Variants in ST8SIA5 observed in about 807,000 individuals in gnomAD.
ST8SIA5 encodes ST8 alpha-N-acetyl-neuraminide alpha-2,8-sialyltransferase 5.
Under a neutral mutation model 40.2 loss-of-function variants are expected in ST8SIA5, and 24 were observed. The observed-to-expected ratio is 0.60, with a 90% confidence interval of 0.43 to 0.84. The LOEUF is 0.84. Ranked by LOEUF, ST8SIA5 falls within the 40% of genes least tolerant of loss-of-function variation. The pLI is 0.00. For missense variants in ST8SIA5, 465 were observed against 498.5 expected (o/e 0.93, Z 0.64); for synonymous variants, 198 against 201.8 (o/e 0.98, Z 0.16).
chr18:46,745,236 A>G (rs2040127557), intron 1 of ST8SIA5, among the ~76,000 whole-genome samples: 2 of 152,238 alleles, frequency 1.3e-5, no homozygotes, highest in Non-Finnish European at 2.9e-5. Context: ...TGAAGGAGAT[A>G]GAGACACAAA....
In ST8SIA5 at chr18:46,681,782, C is replaced by T. The variant is rs548401366; in HGVS notation, c.662+190G>A. On this transcript the variant is annotated intron_variant, in intron 6 of 6. Transcript: ENST00000315087. ...TATTTCGAAAATACTATTACTTCAACGTGTAATTAATATAACAAGTTAATT... is the reference window on the plus strand; with the variant it reads ...TATTTCGAAAATACTATTACTTCAATGTGTAATTAATATAACAAGTTAATT... Among the ~76,000 whole-genome samples the T allele has an allele frequency of 7.9e-5, 12 of 152,268 alleles. No homozygotes were observed. The South Asian group carries it at 1.5e-3, about 18-fold the overall frequency.
At chr18:46,735,193 C>A (rs2040022189) in intron 1 of ST8SIA5, among the ~76,000 whole-genome samples, 1 of 152,266 alleles carries the variant, frequency 6.6e-6, no homozygotes, top group Admixed American at 6.5e-5. Flanking sequence ...CGGCCACAGA[C>A]TGAGGACTGC....
chr18:46,730,751 T>C (rs1243619114), intron 1 of ST8SIA5, among the ~76,000 whole-genome samples: 1 of 152,122 alleles, frequency 6.6e-6, no homozygotes, highest in Non-Finnish European at 1.5e-5. Flanking sequence ...CAATTAGTCA[T>C]GATCACACCA....
intron 2 of ST8SIA5, among the ~76,000 whole-genome samples, chr18:46,700,206 C>T (rs1427863879): frequency 1.3e-5 from 2 of 152,216 alleles, no homozygotes; most frequent in Admixed American, 6.5e-5. Context: ...GAGGCATTTT[C>T]CATGTGGGGA....
intron 1 of ST8SIA5, among the ~76,000 whole-genome samples, chr18:46,721,149 C>A (rs73953880): frequency 6.6e-6 from 1 of 152,162 alleles, no homozygotes; most frequent in East Asian, 1.9e-4. Flanking sequence ...AGTGAATCCC[C>A]GCTTGGTTGT....
At chr18:46,685,852 G>GTGTTC (rs1317121397) in intron 5 of ST8SIA5, 2 of 322,586 alleles carry the variant, frequency 6.2e-6, no homozygotes, top group African/African-American at 2.1e-5. Flanking sequence ...TGGAAGGGCA[G>GTGTTC]CACCCACCCA....
chr18:46,671,188 T>C lies in ST8SIA5; in HGVS notation c.*8854A>G, dbSNP rs1037022098. The C allele has an allele frequency of 6.6e-6, 1 of 152,192 alleles. No homozygotes were observed. The highest frequency in any genetic ancestry group is 2.1e-4 in the South Asian group (1 of 4,830). The allele number at this position is 152,192 out of a possible 1,614,324, so 9.4% of individuals were successfully genotyped here. Reference sequence around the variant, plus strand: ...TCTCCAGAGGCTCTTGTCAACTTTGTCGCTGAATGTGGAATTCTGAGCTCT... The same window carrying C: ...TCTCCAGAGGCTCTTGTCAACTTTGCCGCTGAATGTGGAATTCTGAGCTCT... On this transcript the variant is annotated 3_prime_UTR_variant, in exon 7 of 7. Transcript: ENST00000315087.
chr18:46,748,783 T>C (rs2040167838), intron 1 of ST8SIA5, among the ~76,000 whole-genome samples: 1 of 151,788 alleles, frequency 6.6e-6, no homozygotes, highest in African/African-American at 2.4e-5. Flanking sequence ...GGAACCCTCA[T>C]ACAATGCTGG....
At chr18:46,750,629 G>A (rs973644804) in intron 1 of ST8SIA5, among the ~76,000 whole-genome samples, 1 of 151,852 alleles carries the variant, frequency 6.6e-6, no homozygotes, top group African/African-American at 2.4e-5. Flanking sequence ...TATCCCACCC[G>A]AGCCCTCTTC....
chr18:46,717,315 G>A (rs1218001087), intron 1 of ST8SIA5, among the ~76,000 whole-genome samples: 1 of 152,100 alleles, frequency 6.6e-6, no homozygotes, highest in South Asian at 2.1e-4. Flanking sequence ...ACAGGAGCAC[G>A]TCATCTGCCT....
chr18:46,685,988 T>C, intron 5 of ST8SIA5, 186 bp downstream of exon 5: 1 of 617,782 alleles, frequency 1.6e-6, no homozygotes, highest in Non-Finnish European at 2.9e-6. Flanking sequence ...ACTGAGGACC[T>C]AGGAGTTCAA....
chr18:46,680,338 G>A lies in ST8SIA5; in HGVS notation c.835C>T (p.Pro279Ser). 1 of 1,614,244 alleles carries A rather than the reference G, an allele frequency of 6.2e-7. No individual in the cohort carries two copies. Among genetic ancestry groups the A allele is most frequent in the Non-Finnish European group, 8.5e-7 (1 of 1,180,046 alleles). Residue 279 changes from proline (P) to serine (S), a missense_variant, in exon 7 of 7, where the codon CCG (proline) becomes TCG (serine). Physicochemically the swap from Pro to Ser is moderately conservative, Grantham distance 74. Coordinates refer to ENST00000315087, the MANE Select transcript of ST8SIA5 (RefSeq NM_013305.6). ...ESPQAVYYFH[P>S]QYLVNVSRYW... ...CGCGACACGTTGACCAGGTACTGCG[G>A]ATGGAAGTAGTAGACAGCTTGCGGC...
chr18:46,692,453 G>A (rs978334358), intron 2 of ST8SIA5, among the ~76,000 whole-genome samples, 198 bp from the exon 3 acceptor site: 2 of 151,858 alleles, frequency 1.3e-5, no homozygotes, highest in African/African-American at 4.8e-5. Context: ...GTACAGGCTG[G>A]AGTGCAATGG....
chr18:46,725,153 G>C (rs2039904119), intron 1 of ST8SIA5, among the ~76,000 whole-genome samples: 1 of 152,134 alleles, frequency 6.6e-6, no homozygotes, highest in Non-Finnish European at 1.5e-5. Context: ...CAAGTAACAA[G>C]TAGCTAAGCT....
At chr18:46,754,147 C>T (rs1186625336) in intron 1 of ST8SIA5, among the ~76,000 whole-genome samples, 4 of 152,150 alleles carry the variant, frequency 2.6e-5, no homozygotes, top group Admixed American at 6.5e-5. Flanking sequence ...GTGACAGCCA[C>T]ATCCAGTTCA....
At position 46,674,305 on chromosome 18, in the gene ST8SIA5, A is replaced by T. The variant is rs1031778812; in HGVS notation, c.*5737T>A. 3.9e-5 allele frequency: 6 copies of T among 152,244 alleles called. No individual in the cohort carries two copies. The highest frequency in any genetic ancestry group is 7.3e-5 in the Non-Finnish European group (5 of 68,052). 9.4% of individuals were successfully genotyped at this position (152,244 alleles called of 1,614,324 possible). A position where few individuals can be genotyped will look rare whatever the true frequency, so the allele number is the denominator to read the frequency against. On this transcript the variant is annotated 3_prime_UTR_variant, in exon 7 of 7. Coordinates refer to ENST00000315087, the MANE Select transcript of ST8SIA5 (RefSeq NM_013305.6). Reference sequence around the variant, plus strand: ...AGCCAGCAAAAAGCAGATGAGCAGGATTATAATGAGGGAAAACAAAAAGAG... The same window carrying T: ...AGCCAGCAAAAAGCAGATGAGCAGGTTTATAATGAGGGAAAACAAAAAGAG...
Position 46,676,545 on chromosome 18 carries a change from T to G in ST8SIA5, c.*3497A>C, listed in dbSNP as rs796762429. On this transcript the variant is annotated 3_prime_UTR_variant, in exon 7 of 7. Transcript: ENST00000315087. Reference sequence around the variant, plus strand: ...AAGGGCGATGAGCACATGCTGTCTCTGGGCACCAGGTGATTAGTGGGCAGA... The same window carrying G: ...AAGGGCGATGAGCACATGCTGTCTCGGGGCACCAGGTGATTAGTGGGCAGA... The G allele has an allele frequency of 1.2e-4, 19 of 152,412 alleles. No homozygotes were observed. Among genetic ancestry groups the G allele is most frequent in the African/African-American group, 4.3e-4 (18 of 41,596 alleles). The allele number at this position is 152,412 out of a possible 1,614,324, so 9.4% of individuals were successfully genotyped here.
intron 1 of ST8SIA5, chr18:46,730,322 A>AAAGGGGATGAATAATCCTCAACCT (rs2039973924): frequency 1.1e-6 from 1 of 878,854 alleles, no homozygotes; most frequent in Non-Finnish European, 1.4e-6. Flanking sequence ...CTCATCCGTC[A>AAAGGGGATGAATAATCCTCAACCT]AAGGGGATGA....
chr18:46,719,327 G>T (rs532506086), intron 1 of ST8SIA5, among the ~76,000 whole-genome samples: 1 of 152,300 alleles, frequency 6.6e-6, no homozygotes, highest in East Asian at 1.9e-4. Flanking sequence ...GGAGAGAGGG[G>T]CAGAGAAAAT....
Sources: gnomAD v4.1 joint callset for allele counts (sites outside exome capture counted in the v4.1 genomes callset) on GRCh38, gnomAD v4.1.1 for gene constraint, MANE v1.5 for transcripts, NCBI Gene and HGNC (gene_info 2026-07-23, HGNC 2026-07-21) for gene names.